Variants in IMMP2L observed in about 807,000 individuals in gnomAD.
IMMP2L encodes the protein inner mitochondrial membrane peptidase subunit 2.
IMMP2L carries 18 observed loss-of-function variants against 19.3 expected under a neutral mutation model. The observed-to-expected ratio is 0.93, with a 90% confidence interval of 0.64 to 1.38. The LOEUF (loss-of-function observed/expected upper bound fraction) is 1.38. Among genes scored for constraint, IMMP2L ranks in the 40% most tolerant of loss-of-function variants. IMMP2L has a pLI of 0.00. For synonymous variants in IMMP2L, 76 were observed against 73.0 expected, an observed-to-expected ratio of 1.04 and a Z score of -0.21; for missense variants, 233 against 218.2, an observed-to-expected ratio of 1.07 and a Z score of -0.43.
chr7:111,357,748 C>G (rs1394478401), intron 3 of IMMP2L, among the ~76,000 whole-genome samples: 2 of 151,986 alleles, frequency 1.3e-5, no homozygotes, highest in African/African-American at 4.8e-5. Flanking sequence ...AAAGGAAGTA[C>G]TCTCTTAGCC....
At chr7:111,450,976 C>A (rs975186273) in intron 3 of IMMP2L, among the ~76,000 whole-genome samples, 1 of 151,400 alleles carries the variant, frequency 6.6e-6, no homozygotes, top group African/African-American at 2.4e-5. Context: ...TCATCACTGG[C>A]CATCAGAGAA....
intron 3 of IMMP2L, among the ~76,000 whole-genome samples, chr7:111,282,843 T>G (rs1820050876): frequency 6.6e-6 from 1 of 152,066 alleles, no homozygotes; most frequent in Admixed American, 6.6e-5. Context: ...TCGGCCTCCC[T>G]AAGTGCTGGG....
At chr7:111,116,625 G>C (rs572235783) in intron 3 of IMMP2L, among the ~76,000 whole-genome samples, 1 of 152,226 alleles carries the variant, frequency 6.6e-6, no homozygotes, top group African/African-American at 2.4e-5. Flanking sequence ...TGCATATTTT[G>C]TGAGAAACTA....
At chr7:111,208,047 T>G (rs1362850922) in intron 3 of IMMP2L, among the ~76,000 whole-genome samples, 1 of 152,138 alleles carries the variant, frequency 6.6e-6, no homozygotes, top group Non-Finnish European at 1.5e-5. Context: ...AAACTATTAT[T>G]AGCTTCCAGG....
At chr7:111,500,200 G>C (rs889058349) in intron 2 of IMMP2L, among the ~76,000 whole-genome samples, 1 of 152,108 alleles carries the variant, frequency 6.6e-6, no homozygotes, top group African/African-American at 2.4e-5. Context: ...ATGGAGTCTC[G>C]CTGATTGCTA....
At position 110,877,051 on chromosome 7, in the gene IMMP2L, T is replaced by G. The variant is rs1809151505; in HGVS notation, c.408+9542A>C. 6.6e-6 allele frequency among the ~76,000 whole-genome samples: 1 copy of G among 152,184 alleles called. No individual in the cohort carries two copies. Reference sequence around the variant, plus strand: ...GGATTTGTGGGATATAAGTCTCTCTTGCAAGTACTTAACTCAGCCGTTACA... The same window carrying G: ...GGATTTGTGGGATATAAGTCTCTCTGGCAAGTACTTAACTCAGCCGTTACA... On this transcript the variant is annotated intron_variant, in intron 5 of 5. Transcript: ENST00000405709. The surrounding 1 kb of genome is among the most constrained non-coding windows in gnomAD (Gnocchi z 4.0).
intron 3 of IMMP2L, among the ~76,000 whole-genome samples, chr7:110,997,565 G>A (rs1474226338): frequency 2.6e-5 from 4 of 152,102 alleles, no homozygotes; most frequent in Admixed American, 2.6e-4. Flanking sequence ...TCTAATAGCT[G>A]TGTAGTGATA....
chr7:111,122,779 G>T lies in IMMP2L; in HGVS notation c.240-159214C>A, dbSNP rs368049643. The T allele has an allele frequency of 1.8e-5, 29 of 1,611,566 alleles. 1 individual carries two copies. In the African/African-American group the frequency reaches 1.9e-4, roughly 10 times the overall value. Reference sequence around the variant, plus strand: ...TCTGAAGAAGAAAGCTAAGATGAAGGACATGCCACTCCGAATTCATGTGCT... The same window carrying T: ...TCTGAAGAAGAAAGCTAAGATGAAGTACATGCCACTCCGAATTCATGTGCT... On this transcript the variant is annotated intron_variant, in intron 3 of 5. Coordinates refer to ENST00000405709, the MANE Select transcript of IMMP2L (RefSeq NM_032549.4).
intron 5 of IMMP2L, among the ~76,000 whole-genome samples, chr7:110,846,344 A>ATT (rs1805657404): frequency 1.7e-5 from 2 of 120,954 alleles, no homozygotes; most frequent in African/African-American, 3.2e-5. Context: ...TCCAACCCTG[A>ATT]TTTCTTTTTT....
At chr7:111,117,091 G>C (rs570114286) in intron 3 of IMMP2L, among the ~76,000 whole-genome samples, 1 of 152,068 alleles carries the variant, frequency 6.6e-6, no homozygotes, top group South Asian at 2.1e-4. Context: ...TAACTAATTT[G>C]ATAGTCTTTA....
At chr7:111,357,239 C>T (rs1421376869) in intron 3 of IMMP2L, among the ~76,000 whole-genome samples, 1 of 152,096 alleles carries the variant, frequency 6.6e-6, no homozygotes, top group African/African-American at 2.4e-5. Context: ...TCATTTAAAA[C>T]CTATTTTTAA....
At chr7:110,725,271 A>G (rs1795817459) in intron 5 of IMMP2L, among the ~76,000 whole-genome samples, 2 of 152,180 alleles carry the variant, frequency 1.3e-5, no homozygotes, top group African/African-American at 4.8e-5. Flanking sequence ...TGGCATTAAT[A>G]TGATTTTAGT....
chr7:111,378,222 T>C (rs1188000374), intron 3 of IMMP2L, among the ~76,000 whole-genome samples: 3 of 152,026 alleles, frequency 2.0e-5, no homozygotes, highest in African/African-American at 7.2e-5. Flanking sequence ...CTTATACCAG[T>C]TGAAGCCATG....
intron 3 of IMMP2L, among the ~76,000 whole-genome samples, chr7:111,327,963 A>G (rs1324537620): frequency 6.6e-6 from 1 of 151,810 alleles, no homozygotes; most frequent in Non-Finnish European, 1.5e-5. Flanking sequence ...TATATAATAT[A>G]TAAGAATACA....
At chr7:110,737,340 G>A (rs1796704052) in intron 5 of IMMP2L, among the ~76,000 whole-genome samples, 1 of 152,240 alleles carries the variant, frequency 6.6e-6, no homozygotes, top group African/African-American at 2.4e-5. Flanking sequence ...GTGGGGCACA[G>A]TGGGAATGAG....
intron 3 of IMMP2L, among the ~76,000 whole-genome samples, chr7:111,141,436 C>CT (rs368455196): frequency 0.086 from 12,942 of 150,584 alleles, 1,283 homozygotes; most frequent in African/African-American, 0.24. Flanking sequence ...GGTTACATTT[C>CT]TTTCTTTTTT....
At chr7:110,754,062 T>G in intron 5 of IMMP2L, among the ~76,000 whole-genome samples, 1 of 152,012 alleles carries the variant, frequency 6.6e-6, no homozygotes, top group East Asian at 1.9e-4. Flanking sequence ...AATTCTTCGA[T>G]TATCATTTTT....
At chr7:111,313,232 T>C (rs185494308) in intron 3 of IMMP2L, among the ~76,000 whole-genome samples, 2 of 152,226 alleles carry the variant, frequency 1.3e-5, no homozygotes, top group Admixed American at 1.3e-4. Context: ...AAGTACACCA[T>C]CCAATAAAAG....
At chr7:111,038,147 CT>C (rs1250586270) in intron 3 of IMMP2L, among the ~76,000 whole-genome samples, 1 of 152,096 alleles carries the variant, frequency 6.6e-6, no homozygotes, top group Non-Finnish European at 1.5e-5. Flanking sequence ...CATATCCTAA[CT>C]TAAGAGGAGA....
Sources: gnomAD v4.1 joint callset for allele counts (sites outside exome capture counted in the v4.1 genomes callset) on GRCh38, gnomAD v4.1.1 for gene constraint, Gnocchi (gnomAD v3.1) non-coding constraint, MANE v1.5 for transcripts, NCBI Gene and HGNC (gene_info 2026-07-23, HGNC 2026-07-21) for gene names.